The following PEAK1 variants were observed in gnomAD, a reference collection of about 807,000 sequenced individuals.
The protein encoded by PEAK1 is inactive tyrosine-protein kinase PEAK1.
A neutral mutation model predicts 124.7 loss-of-function variants in PEAK1; 54 were observed. The observed-to-expected ratio is 0.43, with a 90% CI of 0.35 to 0.54. PEAK1 has a LOEUF of 0.54. Among genes scored for constraint, PEAK1 ranks in the 20% least tolerant of loss-of-function variants. PEAK1 has a pLI of 0.01. For synonymous variants in PEAK1, 719 were observed against 760.0 expected, an observed-to-expected ratio of 0.95 and a Z score of 0.89; for missense variants, 2,046 against 2,134.5, an observed-to-expected ratio of 0.96 and a Z score of 0.82.
chr15:77,103,481 C>T (rs2050715416), downstream of PEAK1: 1 of 152,058 alleles, frequency 6.6e-6, no homozygotes, highest in Non-Finnish European at 1.5e-5. Context: ...GTATTGTACA[C>T]AATAAGATCT....
intron 2 of PEAK1, among the ~76,000 whole-genome samples, chr15:77,358,584 G>A (rs1256701661): frequency 1.3e-5 from 2 of 152,036 alleles, no homozygotes; most frequent in Non-Finnish European, 2.9e-5. Context: ...CTCTCTCCCG[G>A]CTCTCCACTG....
At position 77,180,332 on chromosome 15, in the gene PEAK1, T is replaced by G; in HGVS notation, c.1595A>C (p.Gln532Pro). Residue 532 changes from glutamine to proline, a missense_variant, in exon 7 of 10, where the codon CAA (glutamine) becomes CCA (proline). Coordinates refer to ENST00000682557, the MANE Select transcript of PEAK1 (RefSeq NM_001385026.1). ...ACTGGTGCTAGAAGTCCATACTTCT[T>G]GGTATCGAATTGCACTGGATTTTTG... is the stretch of plus-strand genomic sequence containing the variant. ...HFQKSSAIRYQEVWTSSTSPR... is the reference protein window; with the variant it reads ...HFQKSSAIRYPEVWTSSTSPR... 6.2e-7 allele frequency: 1 copy of G among 1,614,068 alleles called. No homozygotes were observed. Among genetic ancestry groups the G allele is most frequent in the Non-Finnish European group, 8.5e-7 (1 of 1,179,928 alleles).
chr15:77,179,650 G>A lies in PEAK1; in HGVS notation c.2277C>T (p.Thr759=). The A allele has an allele frequency of 6.2e-7, 1 of 1,614,060 alleles. No homozygotes were observed. Among genetic ancestry groups the A allele is most frequent in the South Asian group, 1.1e-5 (1 of 91,080 alleles). ...QESQMVGSSS[T]REKASTVLSQ... The stretch of plus-strand genomic sequence containing the variant: ...AAAGCACTGTGCTTGCTTTCTCTCT[G>A]GTGCTGCTGCTGCCCACCATCTGAG... The change falls in exon 7 of 10, where the codon ACC becomes ACT. Residue 759 remains threonine (T), a synonymous_variant. Coordinates refer to ENST00000682557, the MANE Select transcript of PEAK1 (RefSeq NM_001385026.1).
At position 77,103,016 on chromosome 15, in the gene PEAK1, T is replaced by A. The variant is rs1277655067; in HGVS notation, c.*11140A>T. 8 of 152,310 alleles carry A rather than the reference T, an allele frequency of 5.3e-5. No homozygotes were observed. In the East Asian group the frequency reaches 1.2e-3, roughly 22 times the overall value. 9.4% of individuals were successfully genotyped at this position (152,310 alleles called of 1,614,324 possible). ...TTTCTCATATTTTGTTGTTTAGTCA[T>A]CCCTATGTGACTGAACGCCTGAAGA... On this transcript the variant is annotated 3_prime_UTR_variant, in exon 7 of 7. Transcript: ENST00000560626.
chr15:77,151,405 T>C (rs1289697840), intron 8 of PEAK1, among the ~76,000 whole-genome samples: 1 of 152,230 alleles, frequency 6.6e-6, no homozygotes, highest in Non-Finnish European at 1.5e-5. Flanking sequence ...AGATTCTGGA[T>C]ATTAGCCCTT....
chr15:77,269,813 A>C lies in PEAK1; in HGVS notation c.-275+14070T>G, dbSNP rs145323756. On this transcript the variant is annotated intron_variant, in intron 5 of 9. Coordinates refer to ENST00000682557, the MANE Select transcript of PEAK1 (RefSeq NM_001385026.1). ...TTAGACCACAGTGGAATAAAATTGG[A>C]AATCAACTCCATCTACACACTGCTT... Among the ~76,000 whole-genome samples the C allele has an allele frequency of 5.1e-3, 775 of 151,860 alleles. 5 individuals carry two copies. The highest frequency in any genetic ancestry group is 0.018 in the African/African-American group (726 of 41,398).
At chr15:77,184,284 T>A (rs2057426936) in intron 6 of PEAK1, among the ~76,000 whole-genome samples, 1 of 152,066 alleles carries the variant, frequency 6.6e-6, no homozygotes, top group Non-Finnish European at 1.5e-5. Context: ...ACTACACATT[T>A]ATTAGAATGG....
intron 2 of PEAK1, among the ~76,000 whole-genome samples, chr15:77,298,375 C>A (rs1008510778): frequency 6.6e-6 from 1 of 151,208 alleles, no homozygotes. Flanking sequence ...CCCGCCACCA[C>A]GCCCAGCTAA....
chr15:77,352,387 C>G, intron 2 of PEAK1: 1 of 985,264 alleles, frequency 1.0e-6, no homozygotes. Flanking sequence ...GCTCAAATGG[C>G]CCTGAGTCCA....
intron 2 of PEAK1, chr15:77,330,884 G>T: frequency 8.2e-6 from 2 of 243,210 alleles, no homozygotes; most frequent in Non-Finnish European, 1.3e-5. Flanking sequence ...GCAAAGAAAT[G>T]ACCTGTTTTG....
chr15:77,267,616 A>G (rs1438829678), intron 5 of PEAK1, among the ~76,000 whole-genome samples: 2 of 152,086 alleles, frequency 1.3e-5, no homozygotes, highest in African/African-American at 2.4e-5. Flanking sequence ...AGAAATAACA[A>G]TCACTGCAGT....
At chr15:77,293,599 G>A (rs972391631) in intron 2 of PEAK1, among the ~76,000 whole-genome samples, 1 of 152,142 alleles carries the variant, frequency 6.6e-6, no homozygotes, top group African/African-American at 2.4e-5. Flanking sequence ...AGTCTTCCAT[G>A]TGCTTCCACA....
At chr15:77,302,489 A>G (rs1356468741) in intron 2 of PEAK1, among the ~76,000 whole-genome samples, 2 of 152,178 alleles carry the variant, frequency 1.3e-5, no homozygotes, top group Non-Finnish European at 2.9e-5. Context: ...TAATTGTTCA[A>G]TTCCAGTATA....
At chr15:77,291,787 C>A (rs2063224828) in intron 2 of PEAK1, among the ~76,000 whole-genome samples, 1 of 151,978 alleles carries the variant, frequency 6.6e-6, no homozygotes, top group Admixed American at 6.6e-5. Context: ...ACCATCCTGG[C>A]TAACACGGTG....
intron 2 of PEAK1, among the ~76,000 whole-genome samples, chr15:77,302,118 C>G (rs571250810): frequency 1.3e-4 from 20 of 152,078 alleles, no homozygotes; most frequent in Non-Finnish European, 2.8e-4. Context: ...ATTTCCTACC[C>G]CAGGGCTAGA....
intron 5 of PEAK1, among the ~76,000 whole-genome samples, chr15:77,258,018 G>C (rs943655719): frequency 2.0e-5 from 3 of 152,106 alleles, no homozygotes; most frequent in Non-Finnish European, 4.4e-5. Context: ...TCTCAGGTTT[G>C]TCAAAGATCA....
chr15:77,342,971 T>C (rs941521657), intron 2 of PEAK1, among the ~76,000 whole-genome samples: 5 of 152,208 alleles, frequency 3.3e-5, no homozygotes, highest in Admixed American at 6.5e-5. Flanking sequence ...TTTTGAAAAC[T>C]TACTCAGCAG....
At chr15:77,210,127 T>TA (rs1263729026) in intron 6 of PEAK1, among the ~76,000 whole-genome samples, 1 of 152,190 alleles carries the variant, frequency 6.6e-6, no homozygotes, top group Non-Finnish European at 1.5e-5. Context: ...TGCTATAGCA[T>TA]AAGTGATTAA....
At chr15:77,163,160 A>G (rs1296652025) in intron 7 of PEAK1, among the ~76,000 whole-genome samples, 1 of 152,200 alleles carries the variant, frequency 6.6e-6, no homozygotes, top group South Asian at 2.1e-4. Flanking sequence ...CTGCTTTCAC[A>G]GACAGACAAC....
Sources: gnomAD v4.1 joint callset for allele counts (sites outside exome capture counted in the v4.1 genomes callset) on GRCh38, gnomAD v4.1.1 for gene constraint, MANE v1.5 for transcripts, NCBI Gene and HGNC (gene_info 2026-07-23, HGNC 2026-07-21) for gene names.